The following CUL1 variants were observed in gnomAD, a reference collection of about 807,000 sequenced individuals.
CUL1 encodes cullin-1.
A neutral mutation model predicts 118.0 loss-of-function variants in CUL1; 24 were observed. The ratio of observed to expected loss-of-function variants is 0.20; its 90% CI spans 0.15 to 0.29. The LOEUF (loss-of-function observed/expected upper bound fraction) is 0.29, where lower values mean the gene tolerates loss of function less well. CUL1 is among the 10% of genes least tolerant of loss of function. The pLI is 1.00. For synonymous variants in CUL1, 332 were observed against 340.4 expected (o/e 0.98, Z 0.27); for missense variants, 361 against 933.8 (o/e 0.39, Z 7.99).
intron 16 of CUL1, among the ~76,000 whole-genome samples, chr7:148,791,475 C>G (rs1801006623): frequency 6.6e-6 from 1 of 152,200 alleles, no homozygotes; most frequent in African/African-American, 2.4e-5. Flanking sequence ...AATTTTGTTT[C>G]ATTTATCCCC....
chr7:148,733,774 G>C (rs572797590), intron 2 of CUL1, among the ~76,000 whole-genome samples: 1 of 152,156 alleles, frequency 6.6e-6, no homozygotes, highest in Non-Finnish European at 1.5e-5. Flanking sequence ...AAAAAGGAGG[G>C]ATTCTTTTCC....
At chr7:148,732,994 A>G (rs963865868) in intron 2 of CUL1, among the ~76,000 whole-genome samples, 6 of 152,088 alleles carry the variant, frequency 3.9e-5, no homozygotes, top group African/African-American at 1.2e-4. Flanking sequence ...GCTTGGAACC[A>G]TCCACACCTC....
chr7:148,704,736 A>G (rs1797829890), intron 1 of CUL1, among the ~76,000 whole-genome samples: 1 of 152,240 alleles, frequency 6.6e-6, no homozygotes, highest in African/African-American at 2.4e-5. Context: ...GCATTTTTTA[A>G]AAAGATGAAA....
At chr7:148,779,027 T>C (rs1800520643) in intron 9 of CUL1, among the ~76,000 whole-genome samples, 2 of 152,240 alleles carry the variant, frequency 1.3e-5, no homozygotes, top group African/African-American at 4.8e-5. Flanking sequence ...TGTGTAAATA[T>C]ATACCAGCTC....
intron 1 of CUL1, among the ~76,000 whole-genome samples, chr7:148,718,737 G>A (rs1453685752): frequency 6.6e-6 from 1 of 151,922 alleles, no homozygotes; most frequent in Non-Finnish European, 1.5e-5. Context: ...GTTTTTGGGG[G>A]GTAGATATCT....
At chr7:148,754,289 C>G (rs1415980056) in intron 3 of CUL1, 139 bp downstream of exon 3, 1 of 598,256 alleles carries the variant, frequency 1.7e-6, no homozygotes, top group African/African-American at 1.9e-5. Context: ...TTTGCTATTG[C>G]ATAGTCTTTT....
chr7:148,767,523 T>G (rs1800048293), intron 8 of CUL1, 96 bp from the exon 9 acceptor site: 2 of 1,084,416 alleles, frequency 1.8e-6, no homozygotes. Flanking sequence ...GGTTATCTTT[T>G]GCAGAGTATT....
intron 7 of CUL1, among the ~76,000 whole-genome samples, chr7:148,765,709 C>T (rs1329641859): frequency 6.6e-6 from 1 of 152,182 alleles, no homozygotes; most frequent in African/African-American, 2.4e-5. Flanking sequence ...ATTCTCTTTA[C>T]TCAGATCACC....
chr7:148,703,046 G>A (rs977115570), intron 1 of CUL1, among the ~76,000 whole-genome samples: 1 of 152,232 alleles, frequency 6.6e-6, no homozygotes, highest in Non-Finnish European at 1.5e-5. Context: ...TAGGAAGGTA[G>A]TCAAGCCCGA....
intron 2 of CUL1, among the ~76,000 whole-genome samples, chr7:148,746,855 A>G (rs1472407902): frequency 6.6e-6 from 1 of 152,214 alleles, no homozygotes; most frequent in South Asian, 2.1e-4. Flanking sequence ...TGTGATAAAT[A>G]TATTGCAGTC....
intron 2 of CUL1, among the ~76,000 whole-genome samples, chr7:148,752,653 T>C (rs1799526752): frequency 6.6e-6 from 1 of 152,162 alleles, no homozygotes; most frequent in African/African-American, 2.4e-5. Context: ...TTTGAATTTA[T>C]TTATTTATTT....
At chr7:148,796,791 G>A (rs754852268) in intron 17 of CUL1, among the ~76,000 whole-genome samples, 17 of 152,278 alleles carry the variant, frequency 1.1e-4, no homozygotes, top group Middle Eastern at 3.4e-3. Flanking sequence ...TGTCCAATCA[G>A]ACCTGGCTCA....
intron 7 of CUL1, among the ~76,000 whole-genome samples, chr7:148,764,484 GAA>G (rs1330649771): frequency 6.6e-6 from 1 of 152,214 alleles, no homozygotes; most frequent in Non-Finnish European, 1.5e-5. Context: ...GCCCCTGCAG[GAA>G]GGGTCTGTAG....
intron 17 of CUL1, among the ~76,000 whole-genome samples, chr7:148,793,597 G>A (rs1801089534): frequency 6.6e-6 from 1 of 152,174 alleles, no homozygotes; most frequent in African/African-American, 2.4e-5. Flanking sequence ...TGTTTGCAAG[G>A]TTTGCCCATG....
chr7:148,740,942 T>C (rs1214784499), intron 2 of CUL1, among the ~76,000 whole-genome samples: 4 of 152,200 alleles, frequency 2.6e-5, no homozygotes, highest in Non-Finnish European at 5.9e-5. Context: ...TGTGAGAAAA[T>C]AAATTCCTGT....
intron 7 of CUL1, among the ~76,000 whole-genome samples, chr7:148,766,213 C>T (rs1799997957): frequency 6.6e-6 from 1 of 151,598 alleles, no homozygotes; most frequent in Non-Finnish European, 1.5e-5. Context: ...TTACTATGTC[C>T]TTTAACTCCT....
intron 2 of CUL1, among the ~76,000 whole-genome samples, chr7:148,736,048 C>T (rs1317170300): frequency 6.7e-6 from 1 of 149,798 alleles, no homozygotes; most frequent in Non-Finnish European, 1.5e-5. Context: ...GTAGTGCATG[C>T]CTGTAGTCCC....
chr7:148,734,263 G>GTT (rs1260299200), intron 2 of CUL1, among the ~76,000 whole-genome samples: 1 of 151,682 alleles, frequency 6.6e-6, no homozygotes, highest in African/African-American at 2.4e-5. Context: ...GTGTGTGTGT[G>GTT]TAAGACAGAG....
At chr7:148,732,583 G>A (rs753747892) in intron 2 of CUL1, among the ~76,000 whole-genome samples, 13 of 150,944 alleles carry the variant, frequency 8.6e-5, no homozygotes, top group Admixed American at 7.3e-4. Flanking sequence ...CAAGCATTCC[G>A]CCTGGCTTGG....
Sources: allele counts gnomAD v4.1 joint callset (sites outside exome capture counted in the v4.1 genomes callset), GRCh38; gene constraint gnomAD v4.1.1; transcripts MANE v1.5; gene names NCBI Gene and HGNC (gene_info 2026-07-23, HGNC 2026-07-21).